SMAP1: variants seen among roughly 807,000 people sequenced by gnomAD.
SMAP1 encodes small ArfGAP 1.
A neutral mutation model predicts 58.5 loss-of-function variants in SMAP1; 24 were observed. That is an observed-to-expected ratio of 0.41 (90% CI 0.30 to 0.58). The LOEUF (loss-of-function observed/expected upper bound fraction) is 0.58. Among genes scored for constraint, SMAP1 ranks in the 20% least tolerant of loss-of-function variants. The probability of loss-of-function intolerance (pLI) is 0.29; values close to 1 mark genes in which losing one functional copy is unlikely to be tolerated. For synonymous variants in SMAP1, 216 were observed against 196.6 expected (o/e 1.10, Z -0.82); for missense variants, 563 against 566.3 (o/e 0.99, Z 0.06).
intron 6 of SMAP1, among the ~76,000 whole-genome samples, chr6:70,831,065 T>A (rs1441933000): frequency 6.6e-6 from 1 of 152,216 alleles, no homozygotes; most frequent in Non-Finnish European, 1.5e-5. Flanking sequence ...GTTTTTGAAA[T>A]GCTGGATTCT....
intron 3 of SMAP1, among the ~76,000 whole-genome samples, chr6:70,758,208 A>G (rs1459928320): frequency 6.6e-6 from 1 of 151,868 alleles, no homozygotes; most frequent in Non-Finnish European, 1.5e-5. Context: ...TGATGCGTTC[A>G]TGTCCTTTGT....
intron 5 of SMAP1, among the ~76,000 whole-genome samples, chr6:70,796,090 C>T (rs999266454): frequency 1.3e-5 from 2 of 152,030 alleles, no homozygotes; most frequent in Non-Finnish European, 2.9e-5. Flanking sequence ...TAGTTTACTA[C>T]GAATATATAG....
chr6:70,720,635 C>A (rs1266710351), intron 1 of SMAP1, among the ~76,000 whole-genome samples: 2 of 152,234 alleles, frequency 1.3e-5, no homozygotes, highest in Non-Finnish European at 2.9e-5. Context: ...CATACATCTT[C>A]TAAAATCTAG....
chr6:70,756,360 T>G lies in SMAP1; in HGVS notation c.338+1295T>G, dbSNP rs1368860195. Among the ~76,000 whole-genome samples the G allele has an allele frequency of 2.6e-5, 4 of 152,268 alleles. No homozygotes were observed. The East Asian group carries it at 7.7e-4, about 29-fold the overall frequency. On this transcript the variant is annotated intron_variant, in intron 3 of 10. Coordinates refer to ENST00000370455, the MANE Select transcript of SMAP1 (RefSeq NM_001044305.3). Reference sequence around the variant, plus strand: ...TATTTCCACATTTGGACAGAAACCTTTTAAATTATAATTGAGAAGTTAGTA... The same window carrying G: ...TATTTCCACATTTGGACAGAAACCTGTTAAATTATAATTGAGAAGTTAGTA...
chr6:70,847,035 T>G (rs971898289), intron 7 of SMAP1, among the ~76,000 whole-genome samples: 3 of 152,194 alleles, frequency 2.0e-5, no homozygotes, highest in African/African-American at 7.2e-5. Flanking sequence ...TCTTATTTCC[T>G]TTTAGTTTTA....
At chr6:70,696,113 G>A (rs555749920) in intron 1 of SMAP1, among the ~76,000 whole-genome samples, 2 of 151,866 alleles carry the variant, frequency 1.3e-5, no homozygotes, top group Admixed American at 6.6e-5. Context: ...TGCAGTATTG[G>A]TTGTAATGTC....
intron 1 of SMAP1, among the ~76,000 whole-genome samples, chr6:70,712,891 T>A (rs1215309601): frequency 3.3e-5 from 5 of 151,814 alleles, no homozygotes; most frequent in African/African-American, 1.2e-4. Flanking sequence ...CCTTCCGGGT[T>A]CAAGTGATTC....
At chr6:70,726,905 G>C (rs1382202471) in intron 1 of SMAP1, among the ~76,000 whole-genome samples, 1 of 151,172 alleles carries the variant, frequency 6.6e-6, no homozygotes, top group African/African-American at 2.4e-5. Context: ...GTGTGTGTGT[G>C]TGTGTGTGTA....
At chr6:70,753,168 GA>G (rs1165419102) in intron 2 of SMAP1, among the ~76,000 whole-genome samples, 3 of 151,142 alleles carry the variant, frequency 2.0e-5, no homozygotes, top group Admixed American at 1.3e-4. Flanking sequence ...GGACCAATAA[GA>G]AAAAAAATAC....
At chr6:70,788,013 T>C (rs1768144235) in intron 4 of SMAP1, among the ~76,000 whole-genome samples, 1 of 152,122 alleles carries the variant, frequency 6.6e-6, no homozygotes, top group Non-Finnish European at 1.5e-5. Context: ...ATGTTTATTG[T>C]GGCACTATTC....
chr6:70,735,227 A>G (rs550494561), intron 2 of SMAP1, among the ~76,000 whole-genome samples: 33 of 152,334 alleles, frequency 2.2e-4, no homozygotes, highest in African/African-American at 7.2e-4. Context: ...GATGTCACCA[A>G]TACCCCAGTG....
chr6:70,803,768 C>G (rs1424196735), intron 6 of SMAP1, among the ~76,000 whole-genome samples: 1 of 152,158 alleles, frequency 6.6e-6, no homozygotes, highest in Non-Finnish European at 1.5e-5. Context: ...CATTCAGGAG[C>G]AGGTTGTTCA....
intron 6 of SMAP1, among the ~76,000 whole-genome samples, chr6:70,825,105 G>A (rs894398515): frequency 6.6e-6 from 1 of 152,200 alleles, no homozygotes; most frequent in Admixed American, 6.5e-5. Context: ...CAGATGTACA[G>A]CAAGGAACAG....
chr6:70,724,462 C>T (rs994545312), intron 1 of SMAP1, among the ~76,000 whole-genome samples: 2 of 152,204 alleles, frequency 1.3e-5, no homozygotes, highest in South Asian at 2.1e-4. Context: ...TCCCAGAGTG[C>T]TGGGATTACA....
At chr6:70,817,603 T>G (rs1457439455) in intron 6 of SMAP1, among the ~76,000 whole-genome samples, 3 of 152,200 alleles carry the variant, frequency 2.0e-5, no homozygotes, top group Non-Finnish European at 4.4e-5. Context: ...GTTCTTTGCT[T>G]TAAAAAGTTT....
At chr6:70,678,781 T>G (rs528296369) in intron 1 of SMAP1, among the ~76,000 whole-genome samples, 1 of 152,192 alleles carries the variant, frequency 6.6e-6, no homozygotes, top group African/African-American at 2.4e-5. Flanking sequence ...TCTTTGAAAC[T>G]AGCAGTGTGT....
chr6:70,683,047 T>C (rs1407432556), intron 1 of SMAP1, among the ~76,000 whole-genome samples: 2 of 151,512 alleles, frequency 1.3e-5, no homozygotes, highest in East Asian at 1.9e-4. Flanking sequence ...AAAAAAAGAG[T>C]GGCTGACTTA....
intron 6 of SMAP1, among the ~76,000 whole-genome samples, chr6:70,832,418 AT>A (rs113746527): frequency 6.6e-6 from 1 of 152,198 alleles, no homozygotes; most frequent in Non-Finnish European, 1.5e-5. Context: ...CTATTTAAAA[AT>A]TTTTTTAAAA....
intron 2 of SMAP1, 152 bp downstream of exon 2, chr6:70,732,663 A>T (rs1032438887): frequency 1.6e-6 from 1 of 618,640 alleles, no homozygotes; most frequent in Non-Finnish European, 2.4e-6. Context: ...TTGAATTTTC[A>T]GTTCACAGAT....
Sources: gnomAD v4.1 joint callset for allele counts (sites outside exome capture counted in the v4.1 genomes callset) on GRCh38, gnomAD v4.1.1 for gene constraint, MANE v1.5 for transcripts, NCBI Gene and HGNC (gene_info 2026-07-23, HGNC 2026-07-21) for gene names.